Variants in DGKI observed in about 807,000 individuals in gnomAD.
The protein encoded by DGKI is diacylglycerol kinase iota.
Under a neutral mutation model 147.5 loss-of-function variants are expected in DGKI, and 55 were observed. The ratio of observed to expected loss-of-function variants is 0.37; its 90% CI spans 0.30 to 0.47. DGKI has a LOEUF of 0.47. Ranked by LOEUF, DGKI falls within the 20% of genes least tolerant of loss-of-function variation. The pLI, the probability that DGKI is intolerant of heterozygous loss-of-function variation, is 1.00. For synonymous variants in DGKI, 469 were observed against 477.1 expected, an observed-to-expected ratio of 0.98 and a Z score of 0.22; for missense variants, 1,007 against 1,323.8, an observed-to-expected ratio of 0.76 and a Z score of 3.71.
At chr7:137,824,386 C>T (rs1797993988) in intron 1 of DGKI, among the ~76,000 whole-genome samples, 1 of 151,842 alleles carries the variant, frequency 6.6e-6, no homozygotes, top group South Asian at 2.1e-4. Flanking sequence ...CATGGTGGCA[C>T]ATGTCTGTAA....
intron 1 of DGKI, among the ~76,000 whole-genome samples, chr7:137,710,388 A>T (rs938080411): frequency 6.6e-6 from 1 of 152,144 alleles, no homozygotes; most frequent in African/African-American, 2.4e-5. Flanking sequence ...GTTATAATCC[A>T]TTAACAATTA....
chr7:137,794,780 C>T (rs1335137598), intron 1 of DGKI, among the ~76,000 whole-genome samples: 2 of 152,168 alleles, frequency 1.3e-5, no homozygotes, highest in Admixed American at 6.5e-5. Flanking sequence ...TTATCAGCAG[C>T]AAATACCACC....
At chr7:137,569,584 C>G (rs1818714369) in intron 19 of DGKI, among the ~76,000 whole-genome samples, 3 of 151,264 alleles carry the variant, frequency 2.0e-5, no homozygotes, top group Non-Finnish European at 4.4e-5. Flanking sequence ...AAAAAATTAG[C>G]CGGGCGTGGT....
rs1229476770 is a variant in DGKI at position 137,384,963 on chromosome 7, CA to C, written c.*6256del. Reference sequence around the variant, plus strand: ...TGGTTGCCACGCTGGTGGCAGAAGCCAAAGAGTTTTCCATGATTGCCTTTCA... The same window carrying C: ...TGGTTGCCACGCTGGTGGCAGAAGCCAAGAGTTTTCCATGATTGCCTTTCA... On this transcript the variant is annotated 3_prime_UTR_variant, in exon 33 of 33. Coordinates refer to ENST00000614521, the MANE Select transcript of DGKI (RefSeq NM_001321708.2). 1 of 151,964 alleles carries C rather than the reference CA, an allele frequency of 6.6e-6. No homozygotes were observed. Among genetic ancestry groups the C allele is most frequent in the Non-Finnish European group, 1.5e-5 (1 of 67,960 alleles). The allele number at this position is 151,964 out of a possible 1,614,324, so 9.4% of individuals were successfully genotyped here. A position where few individuals can be genotyped will look rare whatever the true frequency, so the allele number is the denominator to read the frequency against.
chr7:137,737,477 C>G (rs994682739), intron 1 of DGKI, among the ~76,000 whole-genome samples: 2 of 151,370 alleles, frequency 1.3e-5, no homozygotes, highest in Non-Finnish European at 2.9e-5. Flanking sequence ...AAGCAAAAAC[C>G]TTGATGATAA....
intron 28 of DGKI, among the ~76,000 whole-genome samples, chr7:137,416,561 T>G (rs1205264359): frequency 6.6e-6 from 1 of 152,170 alleles, no homozygotes; most frequent in African/African-American, 2.4e-5. Context: ...GACACCAAGA[T>G]AAGGCACTTA....
chr7:137,707,153 C>T (rs1269418355), intron 1 of DGKI, among the ~76,000 whole-genome samples: 1 of 152,192 alleles, frequency 6.6e-6, no homozygotes, highest in African/African-American at 2.4e-5. Flanking sequence ...TGCCACCACT[C>T]CTCCCTTAGA....
chr7:137,771,216 G>C (rs1163029291), intron 1 of DGKI, among the ~76,000 whole-genome samples: 1 of 152,094 alleles, frequency 6.6e-6, no homozygotes, highest in Non-Finnish European at 1.5e-5. Context: ...TCAGCCTCCT[G>C]AGTAGCTAGG....
intron 27 of DGKI, among the ~76,000 whole-genome samples, chr7:137,457,596 T>G (rs754162263): frequency 7.2e-5 from 11 of 152,148 alleles, no homozygotes; most frequent in Non-Finnish European, 1.5e-5. Context: ...GATTCAGAAT[T>G]GCAATTGCAG....
At chr7:137,480,421 G>C (rs773707324) in intron 23 of DGKI, among the ~76,000 whole-genome samples, 19 of 152,116 alleles carry the variant, frequency 1.2e-4, no homozygotes, top group Admixed American at 2.0e-4. Flanking sequence ...AGGACAGCCA[G>C]AATAAAGAGA....
intron 1 of DGKI, among the ~76,000 whole-genome samples, chr7:137,756,566 T>A (rs1460940389): frequency 1.3e-5 from 2 of 152,202 alleles, no homozygotes; most frequent in Non-Finnish European, 1.5e-5. Context: ...CAGCCTGGGG[T>A]TGACAAAGAA....
intron 19 of DGKI, among the ~76,000 whole-genome samples, chr7:137,570,682 C>G (rs1818762910): frequency 6.6e-6 from 1 of 151,712 alleles, no homozygotes; most frequent in Non-Finnish European, 1.5e-5. Context: ...ACCTTTGCCT[C>G]CTGTGTTCAA....
At chr7:137,579,449 A>G (rs1417373218) in intron 15 of DGKI, among the ~76,000 whole-genome samples, 1 of 151,178 alleles carries the variant, frequency 6.6e-6, no homozygotes, top group Non-Finnish European at 1.5e-5. Flanking sequence ...AAAAAAAAAA[A>G]AAGAAAGAAA....
intron 10 of DGKI, among the ~76,000 whole-genome samples, chr7:137,603,031 G>T (rs1207784214): frequency 6.6e-6 from 1 of 152,056 alleles, no homozygotes; most frequent in Non-Finnish European, 1.5e-5. Flanking sequence ...CTTCCAAGCA[G>T]CAAGTACTAG....
At chr7:137,693,280 CT>C (rs1563153534) in intron 1 of DGKI, among the ~76,000 whole-genome samples, 1 of 152,054 alleles carries the variant, frequency 6.6e-6, no homozygotes, top group Non-Finnish European at 1.5e-5. Flanking sequence ...TTGTTCTTTC[CT>C]TCTGCTCAGA....
intron 19 of DGKI, among the ~76,000 whole-genome samples, chr7:137,566,821 T>A (rs954230841): frequency 2.6e-5 from 4 of 152,092 alleles, no homozygotes; most frequent in Non-Finnish European, 5.9e-5. Context: ...AATTGCCCAT[T>A]TCTATATTTC....
At chr7:137,429,711 A>G (rs1812981311) in intron 28 of DGKI, among the ~76,000 whole-genome samples, 1 of 148,454 alleles carries the variant, frequency 6.7e-6, no homozygotes, top group Non-Finnish European at 1.5e-5. Flanking sequence ...TTACAAGAAA[A>G]TAACAAACAA....
At chr7:137,560,430 A>T (rs1245363157) in intron 19 of DGKI, among the ~76,000 whole-genome samples, 1 of 152,190 alleles carries the variant, frequency 6.6e-6, no homozygotes, top group African/African-American at 2.4e-5. Flanking sequence ...GGAAAAAAAT[A>T]AACCTTTAGG....
At position 137,519,606 on chromosome 7, in the gene DGKI, C is replaced by T. The variant is rs145190488; in HGVS notation, c.2248+2260G>A. Among the ~76,000 whole-genome samples the T allele has an allele frequency of 3.0e-3, 457 of 152,038 alleles. 2 individuals carry two copies. The highest frequency in any genetic ancestry group is 4.3e-3 in the Non-Finnish European group (292 of 67,940). Reference sequence around the variant, plus strand: ...CACTTAATTAATGCTTCTGAAATAACATTTATTTTGGCATGCACCTCATAT... The same window carrying T: ...CACTTAATTAATGCTTCTGAAATAATATTTATTTTGGCATGCACCTCATAT... On this transcript the variant is annotated intron_variant, in intron 21 of 32. Coordinates refer to ENST00000614521, the MANE Select transcript of DGKI (RefSeq NM_001321708.2).
Sources: allele counts gnomAD v4.1 joint callset (sites outside exome capture counted in the v4.1 genomes callset), GRCh38; gene constraint gnomAD v4.1.1; transcripts MANE v1.5; gene names NCBI Gene and HGNC (gene_info 2026-07-23, HGNC 2026-07-21).